Variants in AKAP9 observed in about 807,000 individuals in gnomAD.
AKAP9 encodes A-kinase anchoring protein 9.
Under a neutral mutation model 488.5 loss-of-function variants are expected in AKAP9, and 311 were observed. The observed-to-expected ratio is 0.64, with a 90% confidence interval of 0.58 to 0.70. The LOEUF is 0.70. AKAP9 is among the 30% of genes least tolerant of loss of function. The pLI is 0.00. For missense variants in AKAP9, 4,215 were observed against 4,374.5 expected (o/e 0.96, Z 1.03); for synonymous variants, 1,462 against 1,483.5 (o/e 0.99, Z 0.33).
Position 91,946,367 on chromosome 7 carries a change from G to A in AKAP9, c.48+5220G>A, listed in dbSNP as rs1002193437. On this transcript the variant is annotated intron_variant, in intron 1 of 49. Transcript: ENST00000356239. Reference sequence around the variant, plus strand: ...ATTGCAGCAATAGTGCAGTGCCTGTGACTTAAAACTAATTCATAACCTTCA... The same window carrying A: ...ATTGCAGCAATAGTGCAGTGCCTGTAACTTAAAACTAATTCATAACCTTCA... Among the ~76,000 whole-genome samples the A allele has an allele frequency of 4.7e-5, 7 of 150,040 alleles. No individual in the cohort carries two copies. In the East Asian group the frequency reaches 1.4e-3, roughly 29 times the overall value.
intron 21 of AKAP9, among the ~76,000 whole-genome samples, chr7:92,050,787 A>T (rs1173060160): frequency 6.6e-6 from 1 of 152,176 alleles, no homozygotes; most frequent in South Asian, 2.1e-4. Flanking sequence ...ACTCATCTTC[A>T]CAAATCCCAT....
chr7:91,954,233 G>C (rs1362275547), intron 1 of AKAP9, among the ~76,000 whole-genome samples: 1 of 152,104 alleles, frequency 6.6e-6, no homozygotes, highest in African/African-American at 2.4e-5. Flanking sequence ...AAAATTATGG[G>C]ATGAGTCTCC....
intron 28 of AKAP9, among the ~76,000 whole-genome samples, chr7:92,073,675 C>T (rs1311300340): frequency 1.3e-5 from 2 of 152,086 alleles, no homozygotes; most frequent in East Asian, 3.9e-4. Flanking sequence ...GAGCCTAGTA[C>T]TAAACTAGAG....
chr7:92,032,119 G>A (rs1030905097), intron 16 of AKAP9, among the ~76,000 whole-genome samples: 7 of 152,152 alleles, frequency 4.6e-5, no homozygotes, highest in Admixed American at 1.3e-4. Context: ...TTTAATATTA[G>A]CCATATACCC....
rs1368789234 is a variant in AKAP9 at position 92,110,514 on chromosome 7, G to C, written c.*355G>C. On this transcript the variant is annotated 3_prime_UTR_variant, in exon 50 of 50. Transcript: ENST00000356239. ...AGGTGTCCTGCACTTTTCTTATAAG[G>C]CTACTGAAGTTACATGTTTTGCCTA... 2 of 287,666 alleles carry C rather than the reference G, an allele frequency of 7.0e-6. No homozygotes were observed. Among genetic ancestry groups the C allele is most frequent in the East Asian group, 1.1e-4 (2 of 18,286 alleles). 17.8% of individuals were successfully genotyped at this position (287,666 alleles called of 1,614,324 possible).
chr7:91,951,970 A>G (rs1792312800), intron 1 of AKAP9, among the ~76,000 whole-genome samples: 1 of 152,192 alleles, frequency 6.6e-6, no homozygotes, highest in Non-Finnish European at 1.5e-5. Flanking sequence ...AATCAGGCCC[A>G]CATCCCCTCA....
rs745901478 is a variant in AKAP9, at chr7:92,098,140, T to A, written c.10639T>A (p.Phe3547Ile). The change falls in exon 43 of 50, where the codon TTC (phenylalanine) becomes ATC (isoleucine). Residue 3547 changes from phenylalanine (F) to isoleucine (I), a missense_variant. Phe to Ile is a conservative substitution (Grantham distance 21). This residue lies in a region of AKAP9 where 1,476 missense variants were observed against 1,477.4 expected (regional missense o/e 1.00). Coordinates refer to ENST00000356239, the MANE Select transcript of AKAP9 (RefSeq NM_005751.5). ...LQFETADDED[F>I]IWVQENIDEI... ...GTTTGAAACAGCAGATGATGAAGAT[T>A]TCATTTGGGTTCAGGAAAATATTGA... The A allele has an allele frequency of 1.2e-6, 2 of 1,612,594 alleles. No homozygotes were observed. The highest frequency in any genetic ancestry group is 3.3e-5 in the Admixed American group (2 of 59,992).
At chr7:91,950,763 T>C (rs1041276330) in intron 1 of AKAP9, among the ~76,000 whole-genome samples, 44 of 152,190 alleles carry the variant, frequency 2.9e-4, no homozygotes, top group African/African-American at 9.9e-4. Flanking sequence ...AATTAGTAGA[T>C]CTTCTTCTAA....
At chr7:92,069,417 A>G (rs1487679835) in intron 26 of AKAP9, among the ~76,000 whole-genome samples, 4 of 152,186 alleles carry the variant, frequency 2.6e-5, no homozygotes, top group Admixed American at 6.5e-5. Flanking sequence ...CTTGTGGTCT[A>G]CTAGTGTTGC....
At position 92,002,603 on chromosome 7, in the gene AKAP9, C is replaced by A. The variant is rs762886952; in HGVS notation, c.2686C>A (p.Leu896Ile). ...ELEYKSKLKA[L>I]NEELHLQRIN... ...AGAGTATAAAAGTAAACTTAAAGCACTTAATGAAGAGCTTCATTTGCAAAG... is the reference window on the plus strand; with the variant it reads ...AGAGTATAAAAGTAAACTTAAAGCAATTAATGAAGAGCTTCATTTGCAAAG... Residue 896 changes from leucine to isoleucine, a missense_variant, in exon 8 of 50, where the codon CTT becomes ATT. Transcript: ENST00000356239. 9.9e-6 allele frequency: 16 copies of A among 1,611,212 alleles called. No individual in the cohort carries two copies. The South Asian group carries it at 1.8e-4, about 18-fold the overall frequency.
intron 34 of AKAP9, 46 bp from the exon 35 acceptor site, chr7:92,084,773 G>A (rs745342282): frequency 7.5e-6 from 12 of 1,598,316 alleles, no homozygotes; most frequent in South Asian, 1.1e-5. Flanking sequence ...GGGGACTGGG[G>A]TTTGATTTTT....
chr7:92,056,506 G>A (rs1411875010), intron 22 of AKAP9, among the ~76,000 whole-genome samples: 1 of 150,738 alleles, frequency 6.6e-6, no homozygotes, highest in Non-Finnish European at 1.5e-5. Context: ...TGTTTATTAG[G>A]GTTTCTTATG....
intron 21 of AKAP9, among the ~76,000 whole-genome samples, chr7:92,050,751 T>C (rs1412683767): frequency 6.6e-6 from 1 of 152,206 alleles, no homozygotes; most frequent in Non-Finnish European, 1.5e-5. Context: ...TCCTAAGTCA[T>C]TGCAGACCCA....
At chr7:91,980,384 AT>A (rs1270663910) in intron 3 of AKAP9, 51 bp downstream of exon 3, 22 of 865,100 alleles carry the variant, frequency 2.5e-5, no homozygotes, top group Non-Finnish European at 5.1e-6. Flanking sequence ...TATTTATATT[AT>A]TATTGAAATC....
In AKAP9 at chr7:91,941,127, C is replaced by T. The variant is rs778519429; in HGVS notation, c.28C>T (p.Leu10=). 4 of 1,614,104 alleles carry T rather than the reference C, an allele frequency of 2.5e-6. No individual in the cohort carries two copies. The highest frequency in any genetic ancestry group is 3.4e-6 in the Non-Finnish European group (4 of 1,179,946). ...GGAGGACGAGGAGAGACAGAAGAAGCTGGAGGCCGGCAAAGCCAAGGTAGG... is the reference window on the plus strand; with the variant it reads ...GGAGGACGAGGAGAGACAGAAGAAGTTGGAGGCCGGCAAAGCCAAGGTAGG... The part of the protein sequence containing the change: MEDEERQKK[L]EAGKAKLAQF... The change falls in exon 1 of 50, where the codon CTG becomes TTG. Residue 10 remains leucine, a synonymous_variant. Transcript: ENST00000356239.
chr7:92,038,270 G>A (rs1415913016), intron 16 of AKAP9, 149 bp from the exon 17 acceptor site: 2 of 550,022 alleles, frequency 3.6e-6, no homozygotes, highest in Non-Finnish European at 6.3e-6. Context: ...AATCCATCTC[G>A]GTATTACTTT....
chr7:92,007,071 C>T (rs568522646), intron 8 of AKAP9, among the ~76,000 whole-genome samples: 3 of 152,128 alleles, frequency 2.0e-5, no homozygotes, highest in East Asian at 3.9e-4. Context: ...ATAAAGCCCA[C>T]TTACCAAGAA....
intron 12 of AKAP9, among the ~76,000 whole-genome samples, chr7:92,019,323 A>G (rs1031180420): frequency 2.6e-5 from 4 of 151,458 alleles, no homozygotes; most frequent in East Asian, 3.9e-4. Context: ...TGTATTCTTA[A>G]TAGAGAAGGG....
chr7:92,102,990 A>G (rs1817842590), intron 46 of AKAP9, among the ~76,000 whole-genome samples, 164 bp downstream of exon 46: 1 of 151,896 alleles, frequency 6.6e-6, no homozygotes, highest in African/African-American at 2.4e-5. Flanking sequence ...GTTTTCATTC[A>G]TTTAGCAGGA....
Sources: allele counts gnomAD v4.1 joint callset (sites outside exome capture counted in the v4.1 genomes callset), GRCh38; gene constraint gnomAD v4.1.1; regional missense constraint gnomAD v4.1.1; transcripts MANE v1.5; gene names NCBI Gene and HGNC (gene_info 2026-07-23, HGNC 2026-07-21).